MCF2L2: variants seen among roughly 807,000 people sequenced by gnomAD.
The protein encoded by MCF2L2 is MCF.2 cell line derived transforming sequence-like 2.
Under a neutral mutation model 150.2 loss-of-function variants are expected in MCF2L2, and 102 were observed. That is an observed-to-expected ratio of 0.68 (90% confidence interval 0.58 to 0.80). The LOEUF is 0.80. MCF2L2 is among the 30% of genes least tolerant of loss of function. The pLI is 0.00. For synonymous variants in MCF2L2, 465 were observed against 491.3 expected, an observed-to-expected ratio of 0.95 and a Z score of 0.71; for missense variants, 1,256 against 1,372.8, an observed-to-expected ratio of 0.91 and a Z score of 1.34.
At chr3:183,366,303 C>T (rs930984690) in intron 3 of MCF2L2, among the ~76,000 whole-genome samples, 5 of 152,060 alleles carry the variant, frequency 3.3e-5, no homozygotes, top group Admixed American at 6.6e-5. Flanking sequence ...TGATCAAATA[C>T]GAGGACAAAT....
chr3:183,240,385 A>G (rs11720721), intron 15 of MCF2L2, among the ~76,000 whole-genome samples: 9,978 of 152,238 alleles, frequency 0.066, 444 homozygotes, highest in Middle Eastern at 0.13. Context: ...GCCTGCCACC[A>G]TACCCAGCTA....
At chr3:183,192,148 A>AT (rs1191247650) in intron 27 of MCF2L2, among the ~76,000 whole-genome samples, 1 of 126,272 alleles carries the variant, frequency 7.9e-6, no homozygotes, top group African/African-American at 3.1e-5. Flanking sequence ...TTATTTATTT[A>AT]TTTATTTTTT....
chr3:183,247,531 TC>T (rs1724314105), intron 15 of MCF2L2, among the ~76,000 whole-genome samples: 1 of 152,144 alleles, frequency 6.6e-6, no homozygotes, highest in South Asian at 2.1e-4. Context: ...CTGGTAGTAA[TC>T]CCAACAGGAG....
chr3:183,207,312 T>G (rs746691825), intron 23 of MCF2L2, among the ~76,000 whole-genome samples: 4 of 152,170 alleles, frequency 2.6e-5, no homozygotes, highest in Non-Finnish European at 5.9e-5. Context: ...GTCTTTCAAC[T>G]CTCTTTTACC....
chr3:183,210,737 G>C (rs1382159894), intron 22 of MCF2L2, among the ~76,000 whole-genome samples: 1 of 152,152 alleles, frequency 6.6e-6, no homozygotes, highest in Non-Finnish European at 1.5e-5. Context: ...TATTGTAGAG[G>C]AAACAGCCCC....
chr3:183,301,140 C>T (rs73066040), intron 10 of MCF2L2, among the ~76,000 whole-genome samples: 11,590 of 152,000 alleles, frequency 0.076, 1,103 homozygotes, highest in African/African-American at 0.22. Flanking sequence ...CATGACACTT[C>T]GCTCTAACCA....
chr3:183,316,326 GGTGTTTTT>G (rs1347505228), intron 7 of MCF2L2, among the ~76,000 whole-genome samples: 81 of 144,662 alleles, frequency 5.6e-4, no homozygotes, highest in Non-Finnish European at 8.4e-4. Context: ...GTTTTATTTT[GGTGTTTTT>G]TTGTTTTGTT....
Position 183,179,757 on chromosome 3 carries a change from G to T in MCF2L2, c.3106-65C>A, listed in dbSNP as rs553438389. The T allele has an allele frequency of 8.9e-5, 127 of 1,422,264 alleles. No individual in the cohort carries two copies. In the African/African-American group the frequency reaches 1.5e-3, roughly 17 times the overall value. 88.1% of individuals were successfully genotyped at this position (1,422,264 alleles called of 1,614,324 possible). ...TGGAGGCTGTGGCCAGACCGGGCAAGGTGGTGACTCCCGCTGGCAGGCTGA... is the reference window on the plus strand; with the variant it reads ...TGGAGGCTGTGGCCAGACCGGGCAATGTGGTGACTCCCGCTGGCAGGCTGA... On this transcript the variant is annotated intron_variant, in intron 28 of 29. Coordinates refer to ENST00000328913, the MANE Select transcript of MCF2L2 (RefSeq NM_015078.4). This position sits in a 1 kb window ranked among gnomAD's most constrained non-coding sequence, Gnocchi z 4.2.
At chr3:183,276,620 G>A (rs1727164797) in intron 15 of MCF2L2, 1 of 416,392 alleles carries the variant, frequency 2.4e-6, no homozygotes, top group Non-Finnish European at 4.3e-6. Context: ...ATATTCTCTT[G>A]ATAGCCCAAT....
chr3:183,392,922 G>A (rs1714241987), intron 1 of MCF2L2, among the ~76,000 whole-genome samples: 1 of 152,218 alleles, frequency 6.6e-6, no homozygotes, highest in Non-Finnish European at 1.5e-5. Context: ...CCACTGCAAT[G>A]GGAAAGGATC....
chr3:183,340,251 G>C (rs1232537668), intron 4 of MCF2L2, among the ~76,000 whole-genome samples: 1 of 152,204 alleles, frequency 6.6e-6, no homozygotes, highest in Non-Finnish European at 1.5e-5. Flanking sequence ...CGATCTGAGA[G>C]GGACTCCGTG....
chr3:183,250,996 T>G (rs887357336), intron 15 of MCF2L2, among the ~76,000 whole-genome samples: 9 of 152,204 alleles, frequency 5.9e-5, no homozygotes. Context: ...CACCCACCCT[T>G]GCAGGCAGGT....
At chr3:183,392,288 A>AT (rs1714198900) in intron 1 of MCF2L2, among the ~76,000 whole-genome samples, 1 of 152,166 alleles carries the variant, frequency 6.6e-6, no homozygotes, top group African/African-American at 2.4e-5. Flanking sequence ...TACACAACAA[A>AT]TAACTGTAGA....
chr3:183,403,377 A>AAG (rs1491355458), intron 1 of MCF2L2, among the ~76,000 whole-genome samples: 1 of 152,252 alleles, frequency 6.6e-6, no homozygotes, highest in East Asian at 1.9e-4. Context: ...GACTTGTGAT[A>AAG]AGAGAGAGTG....
chr3:183,400,372 G>C (rs1376003450), intron 1 of MCF2L2: 1 of 455,614 alleles, frequency 2.2e-6, no homozygotes. Flanking sequence ...ATATATTCCA[G>C]CCTGATGCAA....
chr3:183,407,845 G>C (rs954939718), intron 1 of MCF2L2, among the ~76,000 whole-genome samples: 9 of 152,200 alleles, frequency 5.9e-5, no homozygotes, highest in Non-Finnish European at 1.0e-4. Flanking sequence ...GGATGAGAAT[G>C]CAAGAGTTCA....
At chr3:183,342,086 A>T (rs1044418473) in intron 3 of MCF2L2, among the ~76,000 whole-genome samples, 1 of 152,226 alleles carries the variant, frequency 6.6e-6, no homozygotes, top group Non-Finnish European at 1.5e-5. Context: ...TTAACACGTC[A>T]GTGGGAAAAG....
At chr3:183,385,959 T>C (rs898758341) in intron 2 of MCF2L2, among the ~76,000 whole-genome samples, 1 of 152,150 alleles carries the variant, frequency 6.6e-6, no homozygotes, top group Non-Finnish European at 1.5e-5. Context: ...CCACCTTGAA[T>C]CAAGAGTTGA....
rs1052001345 is a variant in MCF2L2 at position 183,353,380 on chromosome 3, C to T, written c.276-11750G>A. Among the ~76,000 whole-genome samples the T allele has an allele frequency of 2.0e-5, 3 of 152,192 alleles. No homozygotes were observed. In the East Asian group the frequency reaches 5.8e-4, roughly 29 times the overall value. Reference sequence around the variant, plus strand: ...TCCCTGCAAGATGCCCACCCAGTTCCACCAGACACATCCAGTAATGGGATG... The same window carrying T: ...TCCCTGCAAGATGCCCACCCAGTTCTACCAGACACATCCAGTAATGGGATG... On this transcript the variant is annotated intron_variant, in intron 3 of 29. Transcript: ENST00000328913.
Sources: allele counts gnomAD v4.1 joint callset (sites outside exome capture counted in the v4.1 genomes callset), GRCh38; gene constraint gnomAD v4.1.1; non-coding constraint Gnocchi (gnomAD v3.1); transcripts MANE v1.5; gene names NCBI Gene and HGNC (gene_info 2026-07-23, HGNC 2026-07-21).